BMPR2: variants seen among roughly 807,000 people sequenced by gnomAD.
BMPR2 encodes the protein bone morphogenetic protein receptor type-2.
A neutral mutation model predicts 100.8 loss-of-function variants in BMPR2; 29 were observed. The observed-to-expected ratio is 0.29, with a 90% CI of 0.21 to 0.39. The LOEUF (loss-of-function observed/expected upper bound fraction) is 0.39, where lower values mean the gene tolerates loss of function less well. Ranked by LOEUF, BMPR2 falls within the 10% of genes least tolerant of loss-of-function variation. The pLI is 1.00. For synonymous variants in BMPR2, 382 were observed against 442.3 expected (o/e 0.86, Z 1.71); for missense variants, 1,011 against 1,274.5 (o/e 0.79, Z 3.15).
At chr2:202,550,887 T>A (rs1462308043) in intron 10 of BMPR2, among the ~76,000 whole-genome samples, 1 of 151,808 alleles carries the variant, frequency 6.6e-6, no homozygotes, top group African/African-American at 2.4e-5. Flanking sequence ...TTTTGGGTTC[T>A]ACTTATTATC....
chr2:202,479,398 C>G (rs1225584325), intron 3 of BMPR2, among the ~76,000 whole-genome samples: 1 of 151,220 alleles, frequency 6.6e-6, no homozygotes, highest in African/African-American at 2.5e-5. Flanking sequence ...AAGATCCTGG[C>G]AGAGCACTTA....
At chr2:202,403,108 A>T (rs1690800390) in intron 1 of BMPR2, among the ~76,000 whole-genome samples, 1 of 151,852 alleles carries the variant, frequency 6.6e-6, no homozygotes, top group Non-Finnish European at 1.5e-5. Context: ...GATTACAGGC[A>T]TGAGCCACCG....
chr2:202,386,842 G>A (rs1355468096), intron 1 of BMPR2, among the ~76,000 whole-genome samples: 6 of 151,950 alleles, frequency 3.9e-5, no homozygotes, highest in Non-Finnish European at 8.8e-5. Flanking sequence ...CACCACGCCC[G>A]GCTAAATTTT....
chr2:202,466,527 C>A (rs1692326540), intron 2 of BMPR2, among the ~76,000 whole-genome samples: 1 of 152,134 alleles, frequency 6.6e-6, no homozygotes, highest in African/African-American at 2.4e-5. Flanking sequence ...CCCTCATGAT[C>A]CGCCCACTTC....
chr2:202,474,105 ACC>A, intron 3 of BMPR2, among the ~76,000 whole-genome samples: 6 of 151,910 alleles, frequency 3.9e-5, no homozygotes, highest in African/African-American at 1.2e-4. Flanking sequence ...ACTCTGTCTC[ACC>A]AAAAATAATA....
rs1688500130 is a variant in BMPR2, at chr2:202,552,631, T to C, written c.1414-85T>C. 28 of 1,418,532 alleles carry C rather than the reference T, an allele frequency of 2.0e-5. 1 individual carries two copies. The highest frequency in any genetic ancestry group is 2.7e-5 in the Non-Finnish European group (27 of 1,010,722). 87.9% of individuals were successfully genotyped at this position (1,418,532 alleles called of 1,614,324 possible). A position where few individuals can be genotyped will look rare whatever the true frequency, so the allele number is the denominator to read the frequency against. On this transcript the variant is annotated intron_variant, in intron 10 of 12. Coordinates refer to ENST00000374580, the MANE Select transcript of BMPR2 (RefSeq NM_001204.7). ...AATACTGGTTAAGGTAATTGATTTT[T>C]CTTTTACCTCATGTGGTAAACTGAA...
At position 202,456,851 on chromosome 2, in the gene BMPR2, G is replaced by A. The variant is rs116813633; in HGVS notation, c.77-7958G>A. On this transcript the variant is annotated intron_variant, in intron 1 of 12. Transcript: ENST00000374580. ...TTTCAAAGCCCTTTCATATATCTCT[G>A]CTACTCACAGTGAACCCGAGTGTGG... Among the ~76,000 whole-genome samples, 689 of 152,122 alleles carry A rather than the reference G, an allele frequency of 4.5e-3. 3 individuals are homozygous for A. Among genetic ancestry groups the A allele is most frequent in the African/African-American group, 0.015 (626 of 41,516 alleles).
chr2:202,487,016 T>C (rs1296712812), intron 3 of BMPR2, among the ~76,000 whole-genome samples: 1 of 152,212 alleles, frequency 6.6e-6, no homozygotes, highest in African/African-American at 2.4e-5. Context: ...TGAAAGAAAT[T>C]ATGCTGTACA....
At chr2:202,444,115 A>C in intron 1 of BMPR2, among the ~76,000 whole-genome samples, 1 of 150,728 alleles carries the variant, frequency 6.6e-6, no homozygotes, top group Non-Finnish European at 1.5e-5. Context: ...TTATGGCCCT[A>C]AAGAAAGAGA....
chr2:202,497,382 G>A (rs187236440), intron 3 of BMPR2, among the ~76,000 whole-genome samples: 173 of 152,332 alleles, frequency 1.1e-3, no homozygotes, highest in African/African-American at 3.6e-3. Flanking sequence ...AGAATTCGGG[G>A]GCTAAATACC....
intron 1 of BMPR2, among the ~76,000 whole-genome samples, chr2:202,424,376 GAA>G (rs55785585): frequency 5.3e-4 from 76 of 142,172 alleles, no homozygotes; most frequent in East Asian, 1.6e-3. Context: ...TTCGTCTGAA[GAA>G]AAAAAAAAAA....
In BMPR2 at chr2:202,543,898, G is replaced by A. The variant is rs79750953; in HGVS notation, c.1413+1451G>A. ...ACTAAAATCTCCCCTGCGCTTTGGG[G>A]AGAATGTTTCAAGTTATCATCCATC... On this transcript the variant is annotated intron_variant, in intron 10 of 12. Coordinates refer to ENST00000374580, the MANE Select transcript of BMPR2 (RefSeq NM_001204.7). 9.3e-4 allele frequency among the ~76,000 whole-genome samples: 141 copies of A among 152,234 alleles called. 2 individuals are homozygous for A. Among genetic ancestry groups the A allele is most frequent in the East Asian group, 4.6e-3 (24 of 5,180 alleles).
At chr2:202,553,724 T>G (rs557348528) in intron 11 of BMPR2, among the ~76,000 whole-genome samples, 11 of 152,316 alleles carry the variant, frequency 7.2e-5, no homozygotes, top group African/African-American at 2.6e-4. Context: ...TGTCTTACTC[T>G]GTCCCCCAGG....
intron 3 of BMPR2, among the ~76,000 whole-genome samples, chr2:202,510,652 A>T (rs1687603701): frequency 6.6e-6 from 1 of 152,064 alleles, no homozygotes; most frequent in South Asian, 2.1e-4. Flanking sequence ...CAAATTCTAA[A>T]ATGAGGTTTT....
At chr2:202,500,325 T>C (rs1245005178) in intron 3 of BMPR2, among the ~76,000 whole-genome samples, 1 of 152,214 alleles carries the variant, frequency 6.6e-6, no homozygotes, top group South Asian at 2.1e-4. Context: ...GAGACTTTGC[T>C]CTTTTCACAT....
At chr2:202,472,312 T>C (rs1692452980) in intron 3 of BMPR2, among the ~76,000 whole-genome samples, 1 of 152,222 alleles carries the variant, frequency 6.6e-6, no homozygotes, top group Admixed American at 6.5e-5. Context: ...TACATTTATT[T>C]TTCACAAACA....
At chr2:202,448,305 G>A (rs1291157884) in intron 1 of BMPR2, among the ~76,000 whole-genome samples, 1 of 150,986 alleles carries the variant, frequency 6.6e-6, no homozygotes, top group Non-Finnish European at 1.5e-5. Context: ...AAAAAAATTA[G>A]CCGGGCATGG....
intron 1 of BMPR2, among the ~76,000 whole-genome samples, chr2:202,435,376 C>CATACATATATAT (rs1553500538): frequency 1.9e-5 from 2 of 103,450 alleles, no homozygotes; most frequent in Non-Finnish European, 3.6e-5. Context: ...AAAAAAAATA[C>CATACATATATAT]ATATATATAT....
At chr2:202,477,665 T>C (rs1488818191) in intron 3 of BMPR2, among the ~76,000 whole-genome samples, 1 of 152,074 alleles carries the variant, frequency 6.6e-6, no homozygotes, top group Non-Finnish European at 1.5e-5. Context: ...CAGGTGACTG[T>C]AGTCCCAGCT....
Sources: gnomAD v4.1 joint callset for allele counts (sites outside exome capture counted in the v4.1 genomes callset) on GRCh38, gnomAD v4.1.1 for gene constraint, MANE v1.5 for transcripts, NCBI Gene and HGNC (gene_info 2026-07-23, HGNC 2026-07-21) for gene names.